Variants in GPHN observed in about 807,000 individuals in gnomAD.
The protein encoded by GPHN is gephyrin.
GPHN carries 17 observed loss-of-function variants against 95.5 expected under a neutral mutation model. The observed-to-expected ratio is 0.18, with a 90% confidence interval of 0.12 to 0.27. GPHN has a LOEUF of 0.27. GPHN is among the 10% of genes least tolerant of loss of function. GPHN has a pLI of 1.00. For synonymous variants in GPHN, 320 were observed against 322.5 expected (o/e 0.99, Z 0.08); for missense variants, 660 against 978.1 (o/e 0.67, Z 4.34).
At chr14:67,494,036 T>C in the GPHN span, among the ~76,000 whole-genome samples, 1,319 of 152,232 alleles carry the variant, frequency 8.7e-3, 16 homozygotes, top group African/African-American at 0.029. Context: ...TGCACTCAGC[T>C]GGACACTGAC....
intron 1 of GPHN, among the ~76,000 whole-genome samples, chr14:66,584,729 G>A (rs572902713): frequency 2.0e-5 from 3 of 152,084 alleles, no homozygotes; most frequent in African/African-American, 7.2e-5. Context: ...TGCATCCCCG[G>A]GATGAAGCCC....
chr14:66,839,333 A>G (rs1344845184), intron 4 of GPHN, among the ~76,000 whole-genome samples: 1 of 152,208 alleles, frequency 6.6e-6, no homozygotes, highest in Non-Finnish European at 1.5e-5. Flanking sequence ...AATGAAGATA[A>G]CATTATAGCC....
chr14:66,931,060 CT>C (rs1310682758), intron 8 of GPHN, among the ~76,000 whole-genome samples: 3 of 152,088 alleles, frequency 2.0e-5, no homozygotes, highest in Non-Finnish European at 2.9e-5. Context: ...AACCCCTCAG[CT>C]TTTGTTTATC....
chr14:66,863,025 G>A (rs568878752), intron 4 of GPHN, among the ~76,000 whole-genome samples: 1 of 152,038 alleles, frequency 6.6e-6, no homozygotes, highest in Non-Finnish European at 1.5e-5. Flanking sequence ...TGGAAAGGAA[G>A]AAGTCAAATT....
chr14:67,100,882 A>G lies in GPHN; in HGVS notation c.1264A>G (p.Ile422Val), dbSNP rs780974978. The G allele has an allele frequency of 4.4e-6, 7 of 1,608,150 alleles. No homozygotes were observed. Among genetic ancestry groups the G allele is most frequent in the Non-Finnish European group, 6.0e-6 (7 of 1,174,514 alleles). ...RAADGPGDRF[I>V]IGESQAGEQP... ...TGCTGATGGCCCAGGAGATCGTTTC[A>G]TCATTGGGGAATCCCAAGCTGGTGA... The change falls in exon 13 of 23, where the codon ATC (isoleucine) becomes GTC (valine). Residue 422 changes from isoleucine (I) to valine (V), a missense_variant. This residue lies in a region of GPHN where 257 missense variants were observed against 376.2 expected (regional missense o/e 0.68). Transcript: ENST00000478722.
At chr14:67,690,859 A>G in the GPHN span, 1 of 427,440 alleles carries the variant, frequency 2.3e-6, no homozygotes, top group Non-Finnish European at 4.2e-6. Context: ...GCTGGCCACA[A>G]GGATCACTAC....
chr14:67,327,561 A>C, the GPHN span, among the ~76,000 whole-genome samples: 21 of 152,056 alleles, frequency 1.4e-4, no homozygotes, highest in Middle Eastern at 3.4e-3. Flanking sequence ...ACGTATGTAT[A>C]CATGTGCCAT....
At chr14:67,159,028 A>G (rs186312955) in intron 18 of GPHN, among the ~76,000 whole-genome samples, 1 of 152,336 alleles carries the variant, frequency 6.6e-6, no homozygotes, top group Admixed American at 6.5e-5. Flanking sequence ...ATCCTTCTTC[A>G]GACATAAAAT....
At chr14:67,713,256 A>G in the GPHN span, among the ~76,000 whole-genome samples, 1 of 147,936 alleles carries the variant, frequency 6.8e-6, no homozygotes, top group African/African-American at 2.5e-5. Context: ...AAACAAACAA[A>G]CAAACAAACA....
At chr14:67,561,870 A>G in the GPHN span, 50 of 158,158 alleles carry the variant, frequency 3.2e-4, no homozygotes, top group Non-Finnish European at 6.0e-4. Flanking sequence ...ACCCTGTCTC[A>G]AAAAAAAAAA....
intron 2 of GPHN, among the ~76,000 whole-genome samples, chr14:66,752,817 A>G (rs1595786611): frequency 6.6e-6 from 1 of 152,076 alleles, no homozygotes; most frequent in Middle Eastern, 3.4e-3. Context: ...GCACAATAAA[A>G]AAATGTGTTT....
intron 21 of GPHN, among the ~76,000 whole-genome samples, chr14:67,170,079 A>C (rs1438521881): frequency 6.6e-6 from 1 of 152,222 alleles, no homozygotes; most frequent in Admixed American, 6.5e-5. Context: ...ACTTCATCTC[A>C]AAATAAAAAT....
the GPHN span, chr14:67,382,632 T>G: frequency 6.2e-7 from 1 of 1,610,000 alleles, no homozygotes; most frequent in Non-Finnish European, 8.5e-7. Context: ...CTCAGGAGGT[T>G]CCTAAAAGGA....
chr14:66,833,123 G>A (rs921625149), intron 4 of GPHN, among the ~76,000 whole-genome samples: 4 of 152,124 alleles, frequency 2.6e-5, no homozygotes, highest in East Asian at 3.8e-4. Flanking sequence ...TAATAAAGAC[G>A]TACACAAGTC....
At chr14:67,653,453 G>A in the GPHN span, 99 of 1,613,896 alleles carry the variant, frequency 6.1e-5, no homozygotes, top group Middle Eastern at 1.7e-4. Context: ...GACATTGAAC[G>A]GAGAATCTTC....
chr14:66,619,355 T>A (rs1170292564), intron 1 of GPHN, among the ~76,000 whole-genome samples: 1 of 152,182 alleles, frequency 6.6e-6, no homozygotes, highest in African/African-American at 2.4e-5. Context: ...GGTTCAGTTT[T>A]TTCAGATCCT....
chr14:67,127,725 T>C (rs915667972), intron 17 of GPHN, among the ~76,000 whole-genome samples: 5 of 152,218 alleles, frequency 3.3e-5, no homozygotes, highest in African/African-American at 1.2e-4. Flanking sequence ...TTGAAACAGA[T>C]ATTGATCTTA....
intron 3 of GPHN, among the ~76,000 whole-genome samples, chr14:66,798,047 T>C (rs2060219241): frequency 6.6e-6 from 1 of 151,988 alleles, no homozygotes; most frequent in Admixed American, 6.6e-5. Flanking sequence ...ATGTTGAATT[T>C]TATCAAATGC....
intron 3 of GPHN, among the ~76,000 whole-genome samples, chr14:66,797,798 G>T (rs1409109468): frequency 1.3e-5 from 2 of 151,648 alleles, no homozygotes; most frequent in African/African-American, 4.8e-5. Flanking sequence ...TTCCCTTTCA[G>T]TTTGGATTTT....
Sources: allele counts gnomAD v4.1 joint callset (sites outside exome capture counted in the v4.1 genomes callset), GRCh38; gene constraint gnomAD v4.1.1; regional missense constraint gnomAD v4.1.1; transcripts MANE v1.5; gene names NCBI Gene and HGNC (gene_info 2026-07-23, HGNC 2026-07-21).